Variants in BCL11A observed in about 807,000 individuals in gnomAD.
The protein encoded by BCL11A is B cell CLL/lymphoma 11A.
BCL11A carries 2 observed loss-of-function variants against 55.9 expected under a neutral mutation model. The observed-to-expected ratio is 0.04, with a 90% confidence interval of 0.01 to 0.11. The LOEUF (loss-of-function observed/expected upper bound fraction) is 0.11. BCL11A is among the 10% of genes least tolerant of loss of function. The pLI is 1.00. For missense variants in BCL11A, 817 were observed against 1,137.1 expected, an observed-to-expected ratio of 0.72 and a Z score of 4.05; for synonymous variants, 465 against 473.4, an observed-to-expected ratio of 0.98 and a Z score of 0.23.
At chr2:60,467,992 A>C (rs942894794) in intron 3 of BCL11A, among the ~76,000 whole-genome samples, 2 of 3,358 alleles carry the variant, frequency 6.0e-4, no homozygotes, top group South Asian at 0.01. Flanking sequence ...TGGTGGTGGT[A>C]ATGGTGGTGG....
At chr2:60,483,132 G>T (rs568330922) in intron 2 of BCL11A, among the ~76,000 whole-genome samples, 3 of 152,198 alleles carry the variant, frequency 2.0e-5, no homozygotes, top group Non-Finnish European at 4.4e-5. Flanking sequence ...TGCAAGGATA[G>T]TGTGGGTAGT....
At chr2:60,498,850 T>C (rs1042333703) in intron 2 of BCL11A, among the ~76,000 whole-genome samples, 8 of 150,724 alleles carry the variant, frequency 5.3e-5, no homozygotes, top group Non-Finnish European at 1.0e-4. Context: ...ATGTACCTTA[T>C]ACATACATTT....
At position 60,457,250 on chromosome 2, in the gene BCL11A, G is replaced by A; in HGVS notation, c.*3154C>T. On this transcript the variant is annotated 3_prime_UTR_variant, in exon 4 of 4. Coordinates refer to ENST00000642384, the MANE Select transcript of BCL11A (RefSeq NM_022893.4). ...AGGGACAAAATGGGTGTATGAACAGGTTAATGCAGACAACTGCCAAAAAAA... is the reference window on the plus strand; with the variant it reads ...AGGGACAAAATGGGTGTATGAACAGATTAATGCAGACAACTGCCAAAAAAA... 3 of 1,013,466 alleles carry A rather than the reference G, an allele frequency of 3.0e-6. No individual in the cohort carries two copies. Among genetic ancestry groups the A allele is most frequent in the Non-Finnish European group, 3.5e-6 (3 of 846,086 alleles). The allele number at this position is 1,013,466 out of a possible 1,614,324, so 62.8% of individuals were successfully genotyped here. A position where few individuals can be genotyped will look rare whatever the true frequency, so the allele number is the denominator to read the frequency against.
intron 2 of BCL11A, among the ~76,000 whole-genome samples, chr2:60,520,925 A>G: frequency 6.6e-6 from 1 of 152,200 alleles, no homozygotes; most frequent in East Asian, 1.9e-4. Context: ...CAGTAGAAAG[A>G]AGAAAAAATT....
chr2:60,489,810 G>C (rs1255366133), intron 2 of BCL11A, among the ~76,000 whole-genome samples: 1 of 152,150 alleles, frequency 6.6e-6, no homozygotes, highest in African/African-American at 2.4e-5. Context: ...GTTCAGGCTA[G>C]CTTAATAACC....
At chr2:60,530,505 C>CG (rs1230455597) in intron 2 of BCL11A, among the ~76,000 whole-genome samples, 1 of 151,832 alleles carries the variant, frequency 6.6e-6, no homozygotes, top group East Asian at 1.9e-4. Context: ...TTTTTCCCAA[C>CG]GGCAAGCCAG....
At chr2:60,535,761 A>G (rs1289731495) in intron 2 of BCL11A, 2 of 152,258 alleles carry the variant, frequency 1.3e-5, no homozygotes, top group African/African-American at 4.8e-5. Context: ...GATTTCCTCC[A>G]TTCGGCACCA....
chr2:60,553,456 G>A lies in BCL11A; in HGVS notation c.-186C>T, dbSNP rs1670505200. Reference sequence around the variant, plus strand: ...ATGGCGCAGGGAAGATGAATTGTGGGAGAGCCGTCATGGCTTTTTTTTAAG... The same window carrying A: ...ATGGCGCAGGGAAGATGAATTGTGGAAGAGCCGTCATGGCTTTTTTTTAAG... On this transcript the variant is annotated 5_prime_UTR_variant, in exon 1 of 4. Coordinates refer to ENST00000642384, the MANE Select transcript of BCL11A (RefSeq NM_022893.4). 4.7e-6 allele frequency: 1 copy of A among 213,672 alleles called. No homozygotes were observed. Among genetic ancestry groups the A allele is most frequent in the Non-Finnish European group, 8.9e-6 (1 of 111,754 alleles). 13.2% of individuals were successfully genotyped at this position (213,672 alleles called of 1,614,324 possible). A position where few individuals can be genotyped will look rare whatever the true frequency, so the allele number is the denominator to read the frequency against.
intron 2 of BCL11A, among the ~76,000 whole-genome samples, chr2:60,470,593 C>T (rs1677143163): frequency 6.6e-6 from 1 of 151,966 alleles, no homozygotes; most frequent in South Asian, 2.1e-4. Flanking sequence ...GGGAAGAGAC[C>T]CTGAAGTGCT....
chr2:60,530,989 T>C (rs1399759330), intron 2 of BCL11A, among the ~76,000 whole-genome samples: 1 of 152,232 alleles, frequency 6.6e-6, no homozygotes, highest in Non-Finnish European at 1.5e-5. Context: ...TCATTCTGTC[T>C]GCTAAACCAG....
chr2:60,492,816 T>C (rs1289050967), intron 2 of BCL11A, among the ~76,000 whole-genome samples: 1 of 152,220 alleles, frequency 6.6e-6, no homozygotes, highest in Admixed American at 6.5e-5. Flanking sequence ...TTGTTTCGCT[T>C]TAGCTTTATT....
intron 2 of BCL11A, among the ~76,000 whole-genome samples, chr2:60,485,157 C>G (rs1209929894): frequency 6.6e-6 from 1 of 152,176 alleles, no homozygotes; most frequent in Admixed American, 6.5e-5. Flanking sequence ...CTAAACAGGC[C>G]CCTTCTTCCT....
chr2:60,483,304 C>T (rs1054761623), intron 2 of BCL11A, among the ~76,000 whole-genome samples: 18 of 152,200 alleles, frequency 1.2e-4, no homozygotes, highest in African/African-American at 3.6e-4. Flanking sequence ...AAAGAAGACA[C>T]ACAAATAATC....
intron 2 of BCL11A, among the ~76,000 whole-genome samples, chr2:60,497,488 T>C (rs969592500): frequency 7.9e-5 from 12 of 152,214 alleles, no homozygotes; most frequent in African/African-American, 2.4e-4. Context: ...CGCTCCTGAA[T>C]TGAATTAGAA....
At chr2:60,534,679 G>A (rs45474597) in intron 2 of BCL11A, 1 of 152,190 alleles carries the variant, frequency 6.6e-6, no homozygotes, top group Admixed American at 6.5e-5. Context: ...ATTACTCAAG[G>A]TTAGACTTCT....
In BCL11A at chr2:60,548,978, C is replaced by T. The variant is rs536276524; in HGVS notation, c.56-2678G>A. ...ACCTTCCTAACCCTCAGCCATTTAC[C>T]CCCTCCCTCAATTCAACTCCATCCT... On this transcript the variant is annotated intron_variant, in intron 1 of 3. Coordinates refer to ENST00000642384, the MANE Select transcript of BCL11A (RefSeq NM_022893.4). Among the ~76,000 whole-genome samples, 14 of 152,196 alleles carry T rather than the reference C, an allele frequency of 9.2e-5. No homozygotes were observed. In the South Asian group the frequency reaches 1.0e-3, roughly 11 times the overall value.
chr2:60,480,212 G>T (rs374221446), intron 2 of BCL11A, among the ~76,000 whole-genome samples: 1 of 152,164 alleles, frequency 6.6e-6, no homozygotes, highest in African/African-American at 2.4e-5. Context: ...TAACACAAAG[G>T]CCTGTAAAGG....
intron 3 of BCL11A, among the ~76,000 whole-genome samples, chr2:60,467,165 G>GTGGTGGTGGTGA (rs1676704265): frequency 1.5e-5 from 2 of 137,038 alleles, no homozygotes; most frequent in Admixed American, 7.1e-5. Context: ...GGTGGTGGTG[G>GTGGTGGTGGTGA]TGATGGTGGT....
At chr2:60,480,416 T>C (rs1677884253) in intron 2 of BCL11A, among the ~76,000 whole-genome samples, 1 of 152,316 alleles carries the variant, frequency 6.6e-6, no homozygotes, top group East Asian at 1.9e-4. Context: ...TAATTAGGAT[T>C]CAAGCGCTGT....
Sources: gnomAD v4.1 joint callset for allele counts (sites outside exome capture counted in the v4.1 genomes callset) on GRCh38, gnomAD v4.1.1 for gene constraint, MANE v1.5 for transcripts, NCBI Gene and HGNC (gene_info 2026-07-23, HGNC 2026-07-21) for gene names.